ZFAND4: variants seen among roughly 807,000 people sequenced by gnomAD.
The protein encoded by ZFAND4 is zinc finger AN1-type containing 4, also known as AN1-type zinc finger protein 4.
In ZFAND4, 43 loss-of-function variants were observed where a neutral mutation model predicts 64.4. The observed-to-expected ratio is 0.67, with a 90% CI of 0.52 to 0.86. ZFAND4 has a LOEUF of 0.86. Ranked by LOEUF, ZFAND4 falls within the 40% of genes least tolerant of loss-of-function variation. ZFAND4 has a pLI of 0.00. For synonymous variants in ZFAND4, 296 were observed against 305.7 expected (o/e 0.97, Z 0.33); for missense variants, 929 against 859.8 (o/e 1.08, Z -1.01).
At chr10:45,664,783 G>A (rs2048702438) in intron 1 of ZFAND4, among the ~76,000 whole-genome samples, 1 of 151,684 alleles carries the variant, frequency 6.6e-6, no homozygotes, top group Non-Finnish European at 1.5e-5. Flanking sequence ...AGAAAAAAAT[G>A]AGCTGGGCGT....
chr10:45,650,652 G>A (rs2047700898), intron 4 of ZFAND4: 1 of 151,994 alleles, frequency 6.6e-6, no homozygotes, highest in Non-Finnish European at 1.5e-5. Context: ...GTAGTACTAC[G>A]CACAAATAAC....
rs775380848 is a variant in ZFAND4, at chr10:45,618,130, G to A, written c.2048+10C>T. On this transcript the variant is annotated intron_variant, in intron 9 of 9. Coordinates refer to ENST00000344646, the MANE Select transcript of ZFAND4 (RefSeq NM_174890.4). ...GAAAGCATCTGAGCTTCTCCAGCTC[G>A]CCAACCTGCCTGCATTCGTAGCTAC... 29 of 1,601,904 alleles carry A rather than the reference G, an allele frequency of 1.8e-5. No homozygotes were observed. The South Asian group carries it at 2.3e-4, about 13-fold the overall frequency.
At chr10:45,655,110 A>T (rs540228532) in intron 2 of ZFAND4, among the ~76,000 whole-genome samples, 1 of 152,174 alleles carries the variant, frequency 6.6e-6, no homozygotes, top group Non-Finnish European at 1.5e-5. Context: ...AGCCACAAAA[A>T]AGTCTCAAAA....
intron 6 of ZFAND4, among the ~76,000 whole-genome samples, chr10:45,630,171 A>G (rs2046106588): frequency 6.6e-6 from 1 of 152,166 alleles, no homozygotes; most frequent in African/African-American, 2.4e-5. Context: ...CCTCCCTAAA[A>G]CAATGAAACA....
intron 1 of ZFAND4, among the ~76,000 whole-genome samples, chr10:45,669,179 T>C (rs11492889): frequency 0.043 from 6,598 of 151,710 alleles, 206 homozygotes; most frequent in Non-Finnish European, 0.064. Context: ...ATAGATGCAA[T>C]AAAAAAAGAT....
intron 6 of ZFAND4, among the ~76,000 whole-genome samples, chr10:45,637,517 C>T (rs928524543): frequency 4.6e-5 from 7 of 151,604 alleles, no homozygotes; most frequent in South Asian, 2.1e-4. Flanking sequence ...TTTGGGAGGC[C>T]GAGGCAGGCA....
chr10:45,621,577 C>T (rs1311061789), intron 8 of ZFAND4, among the ~76,000 whole-genome samples: 1 of 151,948 alleles, frequency 6.6e-6, no homozygotes, highest in Non-Finnish European at 1.5e-5. Flanking sequence ...CCCGTTTCTA[C>T]TAAAAATACA....
chr10:45,661,458 C>T (rs754581630), intron 2 of ZFAND4, among the ~76,000 whole-genome samples: 4 of 152,076 alleles, frequency 2.6e-5, no homozygotes, highest in Non-Finnish European at 5.9e-5. Flanking sequence ...GTTCTCAACT[C>T]ACCAAAAACT....
At chr10:45,671,316 G>A (rs973422633) in intron 1 of ZFAND4, among the ~76,000 whole-genome samples, 2 of 152,106 alleles carry the variant, frequency 1.3e-5, no homozygotes, top group Non-Finnish European at 2.9e-5. Context: ...TTGACCCAGC[G>A]ATCCCATTAC....
chr10:45,623,084 T>C (rs925922760), intron 8 of ZFAND4, among the ~76,000 whole-genome samples: 1 of 152,074 alleles, frequency 6.6e-6, no homozygotes, highest in Admixed American at 6.5e-5. Flanking sequence ...CTCACACCCA[T>C]TAGGATGGCT....
intron 6 of ZFAND4, among the ~76,000 whole-genome samples, chr10:45,639,345 CACAA>C (rs1237156177): frequency 6.6e-6 from 1 of 152,014 alleles, no homozygotes; most frequent in Non-Finnish European, 1.5e-5. Context: ...GTGATGCCAC[CACAA>C]ACAAAGTAGG....
At chr10:45,627,706 G>T (rs183025299) in intron 6 of ZFAND4, among the ~76,000 whole-genome samples, 2 of 152,116 alleles carry the variant, frequency 1.3e-5, no homozygotes, top group Non-Finnish European at 2.9e-5. Context: ...AGTCTGAACC[G>T]CAAATGCTAG....
chr10:45,617,495 G>A (rs532879124), intron 9 of ZFAND4, among the ~76,000 whole-genome samples: 47 of 150,018 alleles, frequency 3.1e-4, no homozygotes, highest in Non-Finnish European at 6.3e-4. Flanking sequence ...AGGCATGATG[G>A]CACATGCCTA....
chr10:45,670,384 G>C (rs188097040), intron 1 of ZFAND4, among the ~76,000 whole-genome samples: 1 of 151,964 alleles, frequency 6.6e-6, no homozygotes, highest in Admixed American at 6.6e-5. Context: ...GTGCCACCAC[G>C]CCCGGCTAAT....
At chr10:45,652,393 T>C (rs1034763443) in intron 3 of ZFAND4, among the ~76,000 whole-genome samples, 9 of 151,914 alleles carry the variant, frequency 5.9e-5, no homozygotes, top group Middle Eastern at 3.4e-3. Flanking sequence ...AAACAGAAAA[T>C]AGAAAAATAA....
intron 1 of ZFAND4, among the ~76,000 whole-genome samples, chr10:45,665,144 A>G (rs1564635848): frequency 6.6e-6 from 1 of 152,212 alleles, no homozygotes; most frequent in African/African-American, 2.4e-5. Context: ...TCAAATTGCT[A>G]TTGCTATTAA....
chr10:45,616,260 C>T lies in ZFAND4; in HGVS notation c.*176G>A. On this transcript the variant is annotated 3_prime_UTR_variant, in exon 10 of 10. Coordinates refer to ENST00000344646, the MANE Select transcript of ZFAND4 (RefSeq NM_174890.4). ...AAAACTACTTTTAAAACTTTTGTTT[C>T]ACCAAGAAATAAAGATGTAAAATAC... is the stretch of plus-strand genomic sequence containing the variant. 1 of 857,022 alleles carries T rather than the reference C, an allele frequency of 1.2e-6. No individual in the cohort carries two copies. The highest frequency in any genetic ancestry group is 1.7e-6 in the Non-Finnish European group (1 of 593,722). The allele number at this position is 857,022 out of a possible 1,614,324, so 53.1% of individuals were successfully genotyped here. A position where few individuals can be genotyped will look rare whatever the true frequency, so the allele number is the denominator to read the frequency against.
intron 5 of ZFAND4, among the ~76,000 whole-genome samples, chr10:45,644,655 C>T (rs886756002): frequency 6.6e-5 from 10 of 152,100 alleles, no homozygotes; most frequent in Non-Finnish European, 1.5e-4. Context: ...GGGACAATTT[C>T]TCAAAAAGTT....
At position 45,627,007 on chromosome 10, in the gene ZFAND4, G is replaced by A. The variant is rs1422972423; in HGVS notation, c.816C>T (p.Leu272=). ...GTGAACAAGATTGACCAATGTTGGG[G>A]AGGACCCTTAACAATCGGTGGCGAG... ...APSRHRLLRV[L]PNIGQSCSPA... is the part of the protein sequence containing the mutation. The change falls in exon 7 of 10, where the codon CTC becomes CTT. Residue 272 remains leucine (L), a synonymous_variant. Transcript: ENST00000344646. The A allele has an allele frequency of 1.2e-6, 2 of 1,612,816 alleles. No homozygotes were observed. The highest frequency in any genetic ancestry group is 1.7e-5 in the Admixed American group (1 of 59,932).
Sources: gnomAD v4.1 joint callset for allele counts (sites outside exome capture counted in the v4.1 genomes callset) on GRCh38, gnomAD v4.1.1 for gene constraint, MANE v1.5 for transcripts, NCBI Gene and HGNC (gene_info 2026-07-23, HGNC 2026-07-21) for gene names.